The following MARCHF11 variants were observed in gnomAD, a reference collection of about 807,000 sequenced individuals.
The protein encoded by MARCHF11 is E3 ubiquitin-protein ligase MARCHF11.
Under a neutral mutation model 37.3 loss-of-function variants are expected in MARCHF11, and 29 were observed. That is an observed-to-expected ratio of 0.78 (90% CI 0.58 to 1.06). The LOEUF is 1.06. Ranked by LOEUF, MARCHF11 falls within the 50% of genes least tolerant of loss-of-function variation. The probability of loss-of-function intolerance (pLI) is 0.00; values close to 1 mark genes in which losing one functional copy is unlikely to be tolerated. For missense variants in MARCHF11, 482 were observed against 533.4 expected (o/e 0.90, Z 0.95); for synonymous variants, 233 against 228.0 (o/e 1.02, Z -0.20).
At chr5:16,122,545 C>T (rs1035191060) in intron 2 of MARCHF11, among the ~76,000 whole-genome samples, 1 of 152,142 alleles carries the variant, frequency 6.6e-6, no homozygotes, top group Non-Finnish European at 1.5e-5. Flanking sequence ...TGTCTCCATG[C>T]CCAATGACCA....
intron 2 of MARCHF11, among the ~76,000 whole-genome samples, chr5:16,149,104 T>A (rs1184416987): frequency 2.0e-5 from 3 of 152,108 alleles, no homozygotes; most frequent in South Asian, 2.1e-4. Context: ...TATACAGCCC[T>A]TTATTTAAAA....
At chr5:16,098,754 T>C (rs1736909693) in intron 2 of MARCHF11, among the ~76,000 whole-genome samples, 1 of 145,040 alleles carries the variant, frequency 6.9e-6, no homozygotes, top group Non-Finnish European at 1.5e-5. Flanking sequence ...AGAGGCAGAG[T>C]GAGACTCCAT....
intron 3 of MARCHF11, among the ~76,000 whole-genome samples, chr5:16,083,998 C>T (rs78824013): frequency 0.027 from 4,122 of 152,164 alleles, 168 homozygotes; most frequent in African/African-American, 0.094. Flanking sequence ...AATTCTTCAC[C>T]TTTATTCATA....
intron 3 of MARCHF11, among the ~76,000 whole-genome samples, chr5:16,085,670 C>T (rs1388135359): frequency 6.6e-5 from 10 of 151,926 alleles, no homozygotes; most frequent in African/African-American, 2.4e-4. Flanking sequence ...GCTTATTACT[C>T]CGCCGGGCGC....
At chr5:16,080,805 T>C (rs1203435500) in intron 3 of MARCHF11, among the ~76,000 whole-genome samples, 1 of 152,132 alleles carries the variant, frequency 6.6e-6, no homozygotes, top group Non-Finnish European at 1.5e-5. Context: ...TATTTCTCAC[T>C]TTTTCATCCC....
At chr5:16,071,786 C>G (rs1057512931) in intron 3 of MARCHF11, among the ~76,000 whole-genome samples, 1 of 152,104 alleles carries the variant, frequency 6.6e-6, no homozygotes, top group African/African-American at 2.4e-5. Context: ...ATTGTGTTAC[C>G]AGTCTCAGCT....
chr5:16,130,646 A>G (rs17649202), intron 2 of MARCHF11, among the ~76,000 whole-genome samples: 24,714 of 152,168 alleles, frequency 0.16, 2,197 homozygotes, highest in East Asian at 0.3. Flanking sequence ...TAGCAATTTT[A>G]TCAGTGTAAA....
chr5:16,168,596 G>A (rs1240181380), intron 2 of MARCHF11, among the ~76,000 whole-genome samples: 1 of 152,214 alleles, frequency 6.6e-6, no homozygotes, highest in Non-Finnish European at 1.5e-5. Context: ...GGAAGAAAGC[G>A]TGGCATGGTT....
At chr5:16,089,119 T>A (rs1468529335) in intron 3 of MARCHF11, among the ~76,000 whole-genome samples, 2 of 152,096 alleles carry the variant, frequency 1.3e-5, no homozygotes, top group Admixed American at 6.5e-5. Context: ...AATCATTTCC[T>A]GACCAGGAAA....
chr5:16,071,520 C>T (rs1231337643), intron 3 of MARCHF11, among the ~76,000 whole-genome samples: 1 of 152,094 alleles, frequency 6.6e-6, no homozygotes, highest in Admixed American at 6.5e-5. Context: ...AAAATAAAAT[C>T]AAAATTTTGA....
At chr5:16,091,134 A>AG in intron 2 of MARCHF11, 53 bp from the exon 3 acceptor site, 1 of 1,210,016 alleles carries the variant, frequency 8.3e-7, no homozygotes, top group South Asian at 1.7e-5. Context: ...ATTAAAAAAG[A>AG]AAAAAAAACA....
chr5:16,126,118 A>G (rs1345234501), intron 2 of MARCHF11, among the ~76,000 whole-genome samples: 1 of 152,194 alleles, frequency 6.6e-6, no homozygotes, highest in African/African-American at 2.4e-5. Flanking sequence ...ACTGCTCACA[A>G]TTAAGTACTG....
At chr5:16,081,153 T>C (rs1736601493) in intron 3 of MARCHF11, among the ~76,000 whole-genome samples, 1 of 152,188 alleles carries the variant, frequency 6.6e-6, no homozygotes, top group South Asian at 2.1e-4. Context: ...CCTTCCCCAT[T>C]AGCTCTCACA....
intron 2 of MARCHF11, 150 bp from the exon 3 acceptor site, chr5:16,091,231 A>G: frequency 1.7e-6 from 1 of 573,490 alleles, no homozygotes; most frequent in East Asian, 3.0e-5. Context: ...CATCCAGGCT[A>G]TAAAAAATAG....
Position 16,179,073 on chromosome 5 carries a change from G to T in MARCHF11, c.503C>A (p.Pro168His). The change falls in exon 1 of 4, where the codon CCC becomes CAC. Residue 168 changes from proline (P) to histidine (H), a missense_variant. By Grantham distance (77) the Pro-to-His change is moderately conservative. Transcript: ENST00000332432. ...RAGHQHQHHQ[P>H]ICKICFQGAE... ...GCCCTGGAAGCAGATCTTGCAGATG[G>T]GCTGGTGGTGCTGGTGCTGGTGCCC... 6.7e-7 allele frequency: 1 copy of T among 1,495,542 alleles called. No homozygotes were observed. The highest frequency in any genetic ancestry group is 8.9e-7 in the Non-Finnish European group (1 of 1,129,006). The allele number at this position is 1,495,542 out of a possible 1,614,324, so 92.6% of individuals were successfully genotyped here.
intron 3 of MARCHF11, among the ~76,000 whole-genome samples, chr5:16,082,139 C>T (rs1057405425): frequency 6.6e-6 from 1 of 152,214 alleles, no homozygotes; most frequent in African/African-American, 2.4e-5. Flanking sequence ...TCACAAAGGG[C>T]TGCTCTGCCT....
At chr5:16,102,772 A>C (rs997123587) in intron 2 of MARCHF11, among the ~76,000 whole-genome samples, 15 of 152,084 alleles carry the variant, frequency 9.9e-5, no homozygotes, top group African/African-American at 3.1e-4. Context: ...CTGACTTTCC[A>C]CTGAGCTGTT....
chr5:16,073,445 G>A (rs1736469561), intron 3 of MARCHF11, among the ~76,000 whole-genome samples: 1 of 152,110 alleles, frequency 6.6e-6, no homozygotes, highest in African/African-American at 2.4e-5. Flanking sequence ...ACTATCTATT[G>A]TTGGGTCTTG....
chr5:16,170,084 C>A (rs1281105909), intron 2 of MARCHF11, among the ~76,000 whole-genome samples: 1 of 152,048 alleles, frequency 6.6e-6, no homozygotes, highest in Non-Finnish European at 1.5e-5. Context: ...ATGTTACAAC[C>A]GTGCAAACTG....
Sources: allele counts gnomAD v4.1 joint callset (sites outside exome capture counted in the v4.1 genomes callset), GRCh38; gene constraint gnomAD v4.1.1; transcripts MANE v1.5; gene names NCBI Gene and HGNC (gene_info 2026-07-23, HGNC 2026-07-21).